DUS2: variants seen among roughly 807,000 people sequenced by gnomAD.
DUS2 encodes the protein dihydrouridine synthase 2.
A neutral mutation model predicts 71.3 loss-of-function variants in DUS2; 52 were observed. The ratio of observed to expected loss-of-function variants is 0.73; its 90% CI spans 0.58 to 0.92. The LOEUF is 0.92. DUS2 is among the 40% of genes least tolerant of loss of function. DUS2 has a pLI of 0.00. For missense variants in DUS2, 558 were observed against 622.6 expected (o/e 0.90, Z 1.10); for synonymous variants, 204 against 227.8 (o/e 0.90, Z 0.94).
rs966242948 is a variant in DUS2, at chr16:68,025,497, A to G, written c.-19+3A>G. 1 of 152,180 alleles carries G rather than the reference A, an allele frequency of 6.6e-6. No homozygotes were observed. The highest frequency in any genetic ancestry group is 2.4e-5 in the African/African-American group (1 of 41,448). 9.4% of individuals were successfully genotyped at this position (152,180 alleles called of 1,614,324 possible). ...GAAGTATCAGAACAAAATAATAGGT[A>G]TGTATATGCATTTGGGTTTTTGGGT... On this transcript the variant is annotated splice_donor_region_variant and intron_variant, in intron 2 of 16. Transcript: ENST00000565263.
At chr16:68,057,235 CATAT>C (rs66818755) in intron 7 of DUS2, among the ~76,000 whole-genome samples, 3 of 142,210 alleles carry the variant, frequency 2.1e-5, no homozygotes, top group African/African-American at 5.1e-5. Context: ...TGTATAGATA[CATAT>C]ATATATATAG....
At chr16:68,058,124 A>G (rs2033887597) in intron 7 of DUS2, among the ~76,000 whole-genome samples, 1 of 152,038 alleles carries the variant, frequency 6.6e-6, no homozygotes, top group African/African-American at 2.4e-5. Flanking sequence ...CGATTTGACC[A>G]GAGGTTTGTC....
chr16:68,032,322 C>T (rs1448388999), intron 2 of DUS2, among the ~76,000 whole-genome samples: 1 of 152,162 alleles, frequency 6.6e-6, no homozygotes, highest in Non-Finnish European at 1.5e-5. Context: ...GGTCATGTAC[C>T]TGGCTCAGTG....
intron 8 of DUS2, among the ~76,000 whole-genome samples, chr16:68,063,241 G>C (rs1264960784): frequency 6.6e-6 from 1 of 152,212 alleles, no homozygotes; most frequent in Non-Finnish European, 1.5e-5. Context: ...GAGGTTGCAG[G>C]CTTCCACAAC....
Position 68,070,976 on chromosome 16 carries a change from C to T in DUS2, c.678C>T (p.Asp226=), listed in dbSNP as rs960010385. ...GSHDHIQQYS[D]IEDFRQATAA... ...ATGACCACATCCAACAGTATTCGGA[C>T]ATAGAGGACTTTCGACAAGCCACGG... Residue 226 remains aspartate (D), a synonymous_variant, in exon 12 of 17, where the codon GAC becomes GAT. Transcript: ENST00000565263. 1 of 1,614,228 alleles carries T rather than the reference C, an allele frequency of 6.2e-7. No individual in the cohort carries two copies. The highest frequency in any genetic ancestry group is 8.5e-7 in the Non-Finnish European group (1 of 1,180,040).
chr16:68,034,503 C>A (rs2151411366), intron 2 of DUS2, among the ~76,000 whole-genome samples: 1 of 152,248 alleles, frequency 6.6e-6, no homozygotes, highest in East Asian at 1.9e-4. Flanking sequence ...TAGGCATGTG[C>A]CACCACCCCC....
chr16:68,049,402 A>T, intron 3 of DUS2, 103 bp from the exon 4 acceptor site: 1 of 1,212,366 alleles, frequency 8.2e-7, no homozygotes, highest in Non-Finnish European at 1.2e-6. Context: ...TCTTGGTAGT[A>T]GGGCGACTGG....
At chr16:68,036,636 T>C (rs2033533328) in intron 2 of DUS2, among the ~76,000 whole-genome samples, 1 of 151,408 alleles carries the variant, frequency 6.6e-6, no homozygotes, top group African/African-American at 2.4e-5. Context: ...GATGGGGTTT[T>C]GCCATGTTGG....
At chr16:68,046,401 C>T (rs143197715) in intron 3 of DUS2, among the ~76,000 whole-genome samples, 1,509 of 148,724 alleles carry the variant, frequency 0.01, 16 homozygotes, top group Middle Eastern at 0.017. Context: ...TTTTTTGAAA[C>T]GGAGTCTCCT....
chr16:68,054,787 G>A (rs922214325), intron 6 of DUS2, among the ~76,000 whole-genome samples, 170 bp downstream of exon 6: 8 of 152,164 alleles, frequency 5.3e-5, no homozygotes, highest in Admixed American at 3.9e-4. Flanking sequence ...GCTCATGCCT[G>A]TAATCCCAGC....
intron 2 of DUS2, among the ~76,000 whole-genome samples, chr16:68,035,190 C>T (rs73598003): frequency 0.013 from 1,994 of 152,162 alleles, 43 homozygotes; most frequent in African/African-American, 0.045. Context: ...TACAGAATCG[C>T]CTTCTCTCTG....
intron 8 of DUS2, among the ~76,000 whole-genome samples, chr16:68,061,406 T>G (rs774825464): frequency 3.3e-5 from 5 of 152,170 alleles, no homozygotes; most frequent in Admixed American, 6.5e-5. Flanking sequence ...GTATTTCCTG[T>G]CTCCCTTCTG....
chr16:68,075,010 T>C (rs543366722), intron 13 of DUS2, among the ~76,000 whole-genome samples: 1 of 152,132 alleles, frequency 6.6e-6, no homozygotes, highest in African/African-American at 2.4e-5. Flanking sequence ...CATGGGCCCA[T>C]GTGCTTGATC....
At position 68,066,604 on chromosome 16, in the gene DUS2, G is replaced by A. The variant is rs762682039; in HGVS notation, c.522G>A (p.Arg174=). Residue 174 remains arginine, a synonymous_variant, in exon 10 of 17, where the codon AGG becomes AGA. Coordinates refer to ENST00000565263, the MANE Select transcript of DUS2 (RefSeq NM_017803.5). ...DTLSLVKRIE[R]TGIAAIAVHG... is the part of the protein sequence containing the mutation. The stretch of plus-strand genomic sequence containing the variant: ...TGAGCCTTGTGAAGCGGATAGAGAG[G>A]ACTGGCATTGCTGCCATCGCAGTTC... 2.5e-6 allele frequency: 4 copies of A among 1,614,186 alleles called. No homozygotes were observed. The highest frequency in any genetic ancestry group is 1.3e-5 in the African/African-American group (1 of 75,070).
intron 8 of DUS2, among the ~76,000 whole-genome samples, chr16:68,063,356 T>C (rs2033965680): frequency 6.6e-6 from 1 of 152,178 alleles, no homozygotes; most frequent in Admixed American, 6.6e-5. Context: ...CTTCCAGGCT[T>C]GGCGTTTTAG....
At chr16:68,028,035 T>C (rs899464235) in intron 2 of DUS2, among the ~76,000 whole-genome samples, 3 of 152,088 alleles carry the variant, frequency 2.0e-5, no homozygotes, top group Admixed American at 6.6e-5. Flanking sequence ...TGTTAAAGAG[T>C]GTAGACTTAA....
chr16:68,050,007 G>A (rs1346170776), intron 4 of DUS2, among the ~76,000 whole-genome samples: 3 of 152,148 alleles, frequency 2.0e-5, no homozygotes, highest in Admixed American at 6.6e-5. Context: ...TACTGTGGAC[G>A]CCCTATGCTC....
At chr16:68,076,399 C>A (rs568091705) in intron 14 of DUS2, among the ~76,000 whole-genome samples, 1 of 152,312 alleles carries the variant, frequency 6.6e-6, no homozygotes, top group Non-Finnish European at 1.5e-5. Flanking sequence ...CCTTCCCTTA[C>A]AATTTCTTGA....
At chr16:68,033,634 A>ATTTTTTTTTT (rs548683357) in intron 2 of DUS2, among the ~76,000 whole-genome samples, 10 of 125,344 alleles carry the variant, frequency 8.0e-5, no homozygotes, top group African/African-American at 1.2e-4. Flanking sequence ...ACAGGTGCTA[A>ATTTTTTTTTT]TTTTTTTTTT....
Sources: gnomAD v4.1 joint callset for allele counts (sites outside exome capture counted in the v4.1 genomes callset) on GRCh38, gnomAD v4.1.1 for gene constraint, MANE v1.5 for transcripts, NCBI Gene and HGNC (gene_info 2026-07-23, HGNC 2026-07-21) for gene names.